Variants in PTPRE observed in about 807,000 individuals in gnomAD.
PTPRE encodes the protein protein tyrosine phosphatase receptor type E, also known as receptor-type tyrosine-protein phosphatase epsilon.
PTPRE carries 51 observed loss-of-function variants against 102.0 expected under a neutral mutation model. That is an observed-to-expected ratio of 0.50 (90% CI 0.40 to 0.63). The LOEUF (loss-of-function observed/expected upper bound fraction) is 0.63, where lower values mean the gene tolerates loss of function less well. PTPRE is among the 30% of genes least tolerant of loss of function. PTPRE has a pLI of 0.00. For missense variants in PTPRE, 752 were observed against 915.1 expected (o/e 0.82, Z 2.30); for synonymous variants, 345 against 348.2 (o/e 0.99, Z 0.10).
chr10:128,037,441 G>A (rs933727811), intron 2 of PTPRE, among the ~76,000 whole-genome samples: 1 of 152,214 alleles, frequency 6.6e-6, no homozygotes, highest in African/African-American at 2.4e-5. Context: ...CTTGTCTCCA[G>A]AGCATGGGAG....
At chr10:128,060,252 CCA>C (rs1330633652) in intron 7 of PTPRE, among the ~76,000 whole-genome samples, 3 of 150,734 alleles carry the variant, frequency 2.0e-5, no homozygotes, top group Non-Finnish European at 4.4e-5. Context: ...ACCACACACA[CCA>C]CACACACAAT....
chr10:128,063,224 G>A, intron 10 of PTPRE, 44 bp downstream of exon 10: 1 of 1,608,042 alleles, frequency 6.2e-7, no homozygotes, highest in Non-Finnish European at 8.5e-7. Flanking sequence ...CCTTTCAGCT[G>A]CTGCTGCCGG....
intron 1 of PTPRE, among the ~76,000 whole-genome samples, chr10:127,952,705 G>A (rs548060359): frequency 6.6e-6 from 1 of 152,186 alleles, no homozygotes; most frequent in East Asian, 1.9e-4. Context: ...AACTGTGCTG[G>A]GTGTGCCTGC....
At chr10:128,038,449 C>T (rs1055643907) in intron 2 of PTPRE, among the ~76,000 whole-genome samples, 1 of 152,134 alleles carries the variant, frequency 6.6e-6, no homozygotes, top group African/African-American at 2.4e-5. Flanking sequence ...AAATGTGGCA[C>T]ATATACACCA....
chr10:128,074,413 C>T (rs1851046413), intron 17 of PTPRE, among the ~76,000 whole-genome samples: 1 of 152,224 alleles, frequency 6.6e-6, no homozygotes. Flanking sequence ...CACCTGTAAT[C>T]CCAGCCCTTT....
chr10:128,007,602 G>A (rs1376907060), intron 2 of PTPRE, among the ~76,000 whole-genome samples: 1 of 152,194 alleles, frequency 6.6e-6, no homozygotes, highest in Admixed American at 6.5e-5. Context: ...CGTCTTATGA[G>A]CTATGACCCT....
chr10:127,965,273 T>A (rs1850158367), intron 1 of PTPRE, among the ~76,000 whole-genome samples: 1 of 152,216 alleles, frequency 6.6e-6, no homozygotes, highest in African/African-American at 2.4e-5. Context: ...ACAAAAGAAG[T>A]TCTTCAGTTA....
intron 2 of PTPRE, among the ~76,000 whole-genome samples, chr10:128,003,027 G>C (rs766281491): frequency 6.6e-6 from 1 of 152,122 alleles, no homozygotes; most frequent in Non-Finnish European, 1.5e-5. Flanking sequence ...GTTGGGTTTT[G>C]TGCCTCTGCA....
chr10:128,073,612 G>A lies in PTPRE; in HGVS notation c.1599+141G>A, dbSNP rs568416626. The stretch of plus-strand genomic sequence containing the variant: ...GCCAGGACCACTAGGGAAGGAGAGA[G>A]ATTGGAAATGAAAAAGGTTTCATTT... On this transcript the variant is annotated intron_variant, in intron 17 of 20. Transcript: ENST00000254667. 652 of 1,118,934 alleles carry A rather than the reference G, an allele frequency of 5.8e-4. 4 individuals are homozygous for A. The African/African-American group carries it at 9.4e-3, about 16-fold the overall frequency. 69.3% of individuals were successfully genotyped at this position (1,118,934 alleles called of 1,614,324 possible).
chr10:128,048,526 C>T (rs1359524566), intron 5 of PTPRE, among the ~76,000 whole-genome samples: 3 of 152,124 alleles, frequency 2.0e-5, no homozygotes, highest in Non-Finnish European at 4.4e-5. Flanking sequence ...ACTCTTAAAA[C>T]GGACCCTTAG....
chr10:128,075,557 CA>C lies in PTPRE; in HGVS notation c.1600-1043del, dbSNP rs199786958. 4.6e-3 allele frequency among the ~76,000 whole-genome samples: 703 copies of C among 151,794 alleles called. 14 individuals are homozygous for C. The highest frequency in any genetic ancestry group is 3.6e-3 in the Non-Finnish European group (243 of 67,988). Reference sequence around the variant, plus strand: ...ATGCTGCACTAGGACTAAGATGTATCAAAGAGCCAAAATGCTTCATTGAAGA... The same window carrying C: ...ATGCTGCACTAGGACTAAGATGTATCAAGAGCCAAAATGCTTCATTGAAGA... On this transcript the variant is annotated intron_variant, in intron 17 of 20. Transcript: ENST00000254667.
Position 128,073,320 on chromosome 10 carries a change from T to C in PTPRE, c.1465-17T>C. On this transcript the variant is annotated splice_polypyrimidine_tract_variant and intron_variant, in intron 16 of 20. Coordinates refer to ENST00000254667, the MANE Select transcript of PTPRE (RefSeq NM_006504.6). ...TGGAAGGAAGTCAGACTCTAACCTC[T>C]GCGCCTCCATTTGAAGGGCTACCGA... is the stretch of plus-strand genomic sequence containing the variant. 6.2e-7 allele frequency: 1 copy of C among 1,613,776 alleles called. No individual in the cohort carries two copies. The highest frequency in any genetic ancestry group is 8.5e-7 in the Non-Finnish European group (1 of 1,179,746).
chr10:128,040,745 A>T (rs1273007071), intron 2 of PTPRE, 130 bp from the exon 3 acceptor site: 2 of 658,544 alleles, frequency 3.0e-6, no homozygotes, highest in Non-Finnish European at 5.4e-6. Flanking sequence ...TGAAAGTGAC[A>T]GGCAAAGTTC....
At chr10:128,013,956 T>C (rs1845221845) in intron 2 of PTPRE, among the ~76,000 whole-genome samples, 1 of 152,170 alleles carries the variant, frequency 6.6e-6, no homozygotes, top group Non-Finnish European at 1.5e-5. Context: ...AATGCATGCA[T>C]GTGTGCGTGC....
At chr10:127,968,599 G>A (rs895000658) in intron 1 of PTPRE, among the ~76,000 whole-genome samples, 5 of 152,244 alleles carry the variant, frequency 3.3e-5, no homozygotes, top group Non-Finnish European at 5.9e-5. Context: ...GAGGCAATTT[G>A]TGGAAGGAGC....
chr10:127,940,451 T>G (rs1381082538), intron 1 of PTPRE, among the ~76,000 whole-genome samples: 1 of 152,174 alleles, frequency 6.6e-6, no homozygotes, highest in Non-Finnish European at 1.5e-5. Context: ...GTCCCCTGCA[T>G]GCACCTCTCA....
intron 1 of PTPRE, among the ~76,000 whole-genome samples, chr10:127,920,302 G>T (rs1317229669): frequency 2.6e-5 from 4 of 152,210 alleles, no homozygotes; most frequent in Admixed American, 2.6e-4. Flanking sequence ...CTGGGAAGGG[G>T]CAGCCCCTTG....
intron 1 of PTPRE, among the ~76,000 whole-genome samples, chr10:127,966,484 C>G (rs971553926): frequency 1.3e-5 from 2 of 152,106 alleles, no homozygotes; most frequent in Admixed American, 6.5e-5. Context: ...TGGCAGACAC[C>G]ATGAAGGGTG....
intron 1 of PTPRE, among the ~76,000 whole-genome samples, chr10:127,975,119 G>A (rs1217777147): frequency 6.6e-6 from 1 of 152,292 alleles, no homozygotes; most frequent in East Asian, 1.9e-4. Flanking sequence ...TAGTGGGTTT[G>A]GGTGAGACTG....
Sources: allele counts gnomAD v4.1 joint callset (sites outside exome capture counted in the v4.1 genomes callset), GRCh38; gene constraint gnomAD v4.1.1; transcripts MANE v1.5; gene names NCBI Gene and HGNC (gene_info 2026-07-23, HGNC 2026-07-21).